Variants in CFAP47 observed in about 807,000 individuals in gnomAD.
CFAP47 encodes cilia and flagella associated protein 47.
In CFAP47, 29 loss-of-function variants were observed where a neutral mutation model predicts 148.1. The observed-to-expected ratio is 0.20, with a 90% confidence interval of 0.15 to 0.27. The LOEUF (loss-of-function observed/expected upper bound fraction) is 0.27. Ranked by LOEUF, CFAP47 falls within the 10% of genes least tolerant of loss-of-function variation. CFAP47 has a pLI of 1.00. For synonymous variants in CFAP47, 664 were observed against 577.3 expected (o/e 1.15, Z -2.15); for missense variants, 1,872 against 1,697.5 (o/e 1.10, Z -1.81).
At chrX:36,124,251 G>T (rs1393299456) in intron 33 of CFAP47, among the ~76,000 whole-genome samples, 7 of 111,761 alleles carry the variant, frequency 6.3e-5, no homozygotes, top group African/African-American at 1.9e-4. Flanking sequence ...GCAGCATGGG[G>T]TTAGGGAAGA....
chrX:36,133,543 T>A (rs994004751), intron 33 of CFAP47, among the ~76,000 whole-genome samples: 1 of 110,346 alleles, frequency 9.1e-6, no homozygotes, highest in Non-Finnish European at 1.9e-5. Context: ...ACTCCCAATG[T>A]AACTAACACA....
chrX:36,287,320 G>A (rs1348489053), intron 51 of CFAP47, among the ~76,000 whole-genome samples: 1 of 110,926 alleles, frequency 9.0e-6, no homozygotes, highest in African/African-American at 3.3e-5. Flanking sequence ...AATTCAGTTT[G>A]TACTGATTTC....
At chrX:36,212,918 G>T (rs1451734118) in intron 45 of CFAP47, among the ~76,000 whole-genome samples, 3 of 110,541 alleles carry the variant, frequency 2.7e-5, no homozygotes, top group African/African-American at 9.9e-5. Context: ...TTCGAGACCA[G>T]CCTGGCCAAC....
At chrX:36,361,299 T>C in intron 60 of CFAP47, 31 bp from the exon 61 acceptor site, 1 of 860,279 alleles carries the variant, frequency 1.2e-6, no homozygotes, top group Non-Finnish European at 1.6e-6. Context: ...TTTAATTAAA[T>C]TGAAATATAT....
chrX:36,126,166 C>T (rs918775162), intron 33 of CFAP47, among the ~76,000 whole-genome samples: 7 of 108,944 alleles, frequency 6.4e-5, no homozygotes, highest in African/African-American at 2.3e-4. Flanking sequence ...TATACACGTG[C>T]CATGGTGGTT....
chrX:36,175,901 C>T (rs1248071044), intron 39 of CFAP47, among the ~76,000 whole-genome samples: 1 of 112,948 alleles, frequency 8.9e-6, no homozygotes, highest in Non-Finnish European at 1.9e-5. Flanking sequence ...CCCCCAGCCT[C>T]GCTGCCGCCT....
rs181052463 is a variant in CFAP47, at chrX:36,357,806, C to T, written c.8852-3524C>T. ...CTATGGATTAGTTCAGTGACTTTCTCGGGGCTTTCTATCTGAAAGTAGTTT... is the reference window on the plus strand; with the variant it reads ...CTATGGATTAGTTCAGTGACTTTCTTGGGGCTTTCTATCTGAAAGTAGTTT... On this transcript the variant is annotated intron_variant, in intron 60 of 63. Transcript: ENST00000378653. Among the ~76,000 whole-genome samples the T allele has an allele frequency of 2.5e-3, 283 of 111,418 alleles. 1 individual carries two copies. Among genetic ancestry groups the T allele is most frequent in the Middle Eastern group, 0.014 (3 of 217 alleles).
At position 36,091,951 on chromosome X, in the gene CFAP47, T is replaced by C. The variant is rs144637529; in HGVS notation, c.4916+6413T>C. Among the ~76,000 whole-genome samples, 30 of 111,258 alleles carry C rather than the reference T, an allele frequency of 2.7e-4. No individual in the cohort carries two copies. The Middle Eastern group carries it at 0.014, about 52-fold the overall frequency. On this transcript the variant is annotated intron_variant, in intron 30 of 63. Coordinates refer to ENST00000378653, the MANE Select transcript of CFAP47 (RefSeq NM_001304548.2). The stretch of plus-strand genomic sequence containing the variant: ...GTTTATTGGTGAGTGGTGTTCTAGG[T>C]TCACTAACTGAGTTAGACCTGAATA...
intron 62 of CFAP47, among the ~76,000 whole-genome samples, chrX:36,369,873 A>G (rs782533921): frequency 1.8e-5 from 2 of 111,905 alleles, no homozygotes; most frequent in Non-Finnish European, 3.8e-5. Flanking sequence ...GAAAGGGAAC[A>G]TAGATCCCAC....
intron 37 of CFAP47, among the ~76,000 whole-genome samples, chrX:36,156,906 A>G (rs1939374255): frequency 9.0e-6 from 1 of 111,417 alleles, no homozygotes; most frequent in Admixed American, 9.6e-5. Context: ...AGGATACTCT[A>G]TTTTGAAATG....
intron 6 of CFAP47, 46 bp from the exon 7 acceptor site, chrX:35,953,546 T>C: frequency 9.7e-7 from 1 of 1,034,858 alleles, no homozygotes; most frequent in South Asian, 2.4e-5. Context: ...GGTGATAAAG[T>C]ATATCAACTT....
rs1376239521 is a variant in CFAP47, at chrX:36,385,190, G to T, written c.*184G>T. ...CATTTGTGAGTTATGAATGTTTTTTGGTTGCGAACATTGGAATTGGTTCAC... is the reference window on the plus strand; with the variant it reads ...CATTTGTGAGTTATGAATGTTTTTTTGTTGCGAACATTGGAATTGGTTCAC... On this transcript the variant is annotated 3_prime_UTR_variant, in exon 64 of 64. Coordinates refer to ENST00000378653, the MANE Select transcript of CFAP47 (RefSeq NM_001304548.2). 2.6e-6 allele frequency: 1 copy of T among 385,414 alleles called. No homozygotes were observed. Among genetic ancestry groups the T allele is most frequent in the South Asian group, 5.3e-5 (1 of 18,954 alleles). The allele number at this position is 385,414 out of a possible 1,213,427, so 31.8% of individuals were successfully genotyped here. A position where few individuals can be genotyped will look rare whatever the true frequency, so the allele number is the denominator to read the frequency against.
chrX:36,278,857 C>A (rs1248181319), intron 49 of CFAP47, among the ~76,000 whole-genome samples: 3 of 111,901 alleles, frequency 2.7e-5, no homozygotes, highest in Admixed American at 9.5e-5. Context: ...GGACTACCAA[C>A]ATTTTAATTG....
At chrX:36,230,731 T>G (rs1336334878) in intron 46 of CFAP47, among the ~76,000 whole-genome samples, 13 of 108,694 alleles carry the variant, frequency 1.2e-4, no homozygotes, top group South Asian at 4.0e-4. Flanking sequence ...TTCTAGGGTT[T>G]TTATGGTTTT....
chrX:35,993,667 G>C (rs1018192110), intron 18 of CFAP47, among the ~76,000 whole-genome samples: 4 of 110,973 alleles, frequency 3.6e-5, no homozygotes, highest in African/African-American at 1.3e-4. Context: ...GTTGGTAATG[G>C]AAATTTCTAC....
intron 45 of CFAP47, among the ~76,000 whole-genome samples, chrX:36,217,011 G>A (rs1401017257): frequency 8.9e-6 from 1 of 112,032 alleles, no homozygotes; most frequent in African/African-American, 3.2e-5. Flanking sequence ...GGAAACAGCT[G>A]TTACCATCTT....
At chrX:36,000,481 G>T in intron 20 of CFAP47, 54 bp downstream of exon 20, 1 of 280,957 alleles carries the variant, frequency 3.6e-6, no homozygotes, top group Non-Finnish European at 6.3e-6. Flanking sequence ...GTTTTAAATT[G>T]CCCTGTGGTA....
At chrX:36,091,611 G>A (rs1262429237) in intron 30 of CFAP47, among the ~76,000 whole-genome samples, 3 of 111,157 alleles carry the variant, frequency 2.7e-5, no homozygotes, top group Non-Finnish European at 5.7e-5. Context: ...AAATCAAAAA[G>A]ACAGTTTTAT....
intron 42 of CFAP47, among the ~76,000 whole-genome samples, chrX:36,192,825 C>T: frequency 8.9e-6 from 1 of 111,997 alleles, no homozygotes. Context: ...GGGAGGTCAG[C>T]ATCCCAGAAT....
Sources: gnomAD v4.1 joint callset for allele counts (sites outside exome capture counted in the v4.1 genomes callset) on GRCh38, gnomAD v4.1.1 for gene constraint, MANE v1.5 for transcripts, NCBI Gene and HGNC (gene_info 2026-07-23, HGNC 2026-07-21) for gene names.